CHCHD6: variants seen among roughly 807,000 people sequenced by gnomAD.
CHCHD6 encodes coiled-coil-helix-coiled-coil-helix domain containing 6.
CHCHD6 carries 28 observed loss-of-function variants against 32.3 expected under a neutral mutation model. The ratio of observed to expected loss-of-function variants is 0.87; its 90% CI spans 0.64 to 1.19. The LOEUF (loss-of-function observed/expected upper bound fraction) is 1.19, where lower values mean the gene tolerates loss of function less well. Among genes scored for constraint, CHCHD6 ranks in the 50% most tolerant of loss-of-function variants. The pLI is 0.00. For synonymous variants in CHCHD6, 122 were observed against 117.5 expected (o/e 1.04, Z -0.25); for missense variants, 333 against 307.0 (o/e 1.08, Z -0.63).
chr3:126,751,617 T>TGG (rs1936723543), intron 4 of CHCHD6, among the ~76,000 whole-genome samples: 1 of 151,578 alleles, frequency 6.6e-6, no homozygotes, highest in African/African-American at 2.4e-5. Flanking sequence ...AGAGCAGACC[T>TGG]GGGTTTTTAG....
intron 4 of CHCHD6, among the ~76,000 whole-genome samples, chr3:126,791,707 T>G (rs1175724370): frequency 6.6e-6 from 1 of 152,226 alleles, no homozygotes; most frequent in Non-Finnish European, 1.5e-5. Context: ...CCTCCCAGGT[T>G]CAAGAGATTC....
At chr3:126,804,933 G>A (rs1044524820) in intron 4 of CHCHD6, among the ~76,000 whole-genome samples, 1 of 151,848 alleles carries the variant, frequency 6.6e-6, no homozygotes, top group African/African-American at 2.4e-5. Context: ...CATATAAACA[G>A]AACCAAAGAC....
At chr3:126,920,942 C>A (rs926046296) in intron 6 of CHCHD6, among the ~76,000 whole-genome samples, 2 of 152,182 alleles carry the variant, frequency 1.3e-5, no homozygotes, top group Admixed American at 6.5e-5. Context: ...TGCCTTCCCA[C>A]AGATTTTTTT....
At chr3:126,852,449 A>G (rs994489893) in intron 4 of CHCHD6, among the ~76,000 whole-genome samples, 198 bp from the exon 5 acceptor site, 1 of 152,202 alleles carries the variant, frequency 6.6e-6, no homozygotes, top group African/African-American at 2.4e-5. Flanking sequence ...TGGCTATAGT[A>G]ATTACCCACC....
intron 5 of CHCHD6, among the ~76,000 whole-genome samples, chr3:126,853,731 T>C (rs1000402310): frequency 6.6e-6 from 1 of 152,180 alleles, no homozygotes; most frequent in African/African-American, 2.4e-5. Flanking sequence ...TATTCCATAG[T>C]CTGAGGAATG....
At chr3:126,798,700 C>A (rs1295090013) in intron 4 of CHCHD6, among the ~76,000 whole-genome samples, 1 of 152,186 alleles carries the variant, frequency 6.6e-6, no homozygotes, top group Non-Finnish European at 1.5e-5. Context: ...CTCCTGGACT[C>A]TTCTGGTCGG....
intron 3 of CHCHD6, among the ~76,000 whole-genome samples, chr3:126,732,218 C>CACCCATAG (rs1486628142): frequency 6.6e-6 from 1 of 151,764 alleles, no homozygotes; most frequent in Non-Finnish European, 1.5e-5. Flanking sequence ...GTGAAAAAAT[C>CACCCATAG]ACCCATAGAC....
intron 4 of CHCHD6, among the ~76,000 whole-genome samples, chr3:126,787,115 G>C (rs1938255530): frequency 6.6e-6 from 1 of 152,118 alleles, no homozygotes; most frequent in Non-Finnish European, 1.5e-5. Flanking sequence ...TGTCAGGTTT[G>C]TCAAAGATCA....
chr3:126,898,712 T>C (rs772231755), intron 5 of CHCHD6, among the ~76,000 whole-genome samples: 2 of 152,140 alleles, frequency 1.3e-5, no homozygotes, highest in Admixed American at 6.5e-5. Context: ...CTAATTTTTG[T>C]ATTTTTAGTA....
chr3:126,871,730 A>G (rs1212379762), intron 5 of CHCHD6, among the ~76,000 whole-genome samples: 1 of 147,244 alleles, frequency 6.8e-6, no homozygotes, highest in African/African-American at 2.6e-5. Context: ...CAGTGGCGCA[A>G]TCTTGGCTCA....
At chr3:126,823,801 C>T (rs1258813961) in intron 4 of CHCHD6, among the ~76,000 whole-genome samples, 3 of 152,144 alleles carry the variant, frequency 2.0e-5, no homozygotes, top group East Asian at 1.9e-4. Context: ...AATCCCAGCA[C>T]TTTCAGAGGC....
At chr3:126,748,673 A>G (rs1307270842) in intron 4 of CHCHD6, among the ~76,000 whole-genome samples, 7 of 151,756 alleles carry the variant, frequency 4.6e-5, no homozygotes, top group Admixed American at 3.9e-4. Flanking sequence ...CCTTCTTCAC[A>G]TTTCCTTCAA....
Position 126,815,512 on chromosome 3 carries a change from C to T in CHCHD6, c.412-37135C>T, listed in dbSNP as rs190799204. On this transcript the variant is annotated intron_variant, in intron 4 of 7. Coordinates refer to ENST00000290913, the MANE Select transcript of CHCHD6 (RefSeq NM_032343.3). ...ACCTGGTTATCATCCTTGACTCCTC[C>T]CTCTCTCTCACCTCTGTGCCATTGC... Among the ~76,000 whole-genome samples, 113 of 152,144 alleles carry T rather than the reference C, an allele frequency of 7.4e-4. 1 individual carries two copies. The highest frequency in any genetic ancestry group is 2.7e-3 in the African/African-American group (111 of 41,490).
intron 4 of CHCHD6, among the ~76,000 whole-genome samples, chr3:126,833,179 G>A (rs1189708602): frequency 3.9e-5 from 6 of 152,136 alleles, no homozygotes; most frequent in East Asian, 1.9e-4. Context: ...GTCTCTCAGC[G>A]CTCAAAGCAG....
intron 1 of CHCHD6, among the ~76,000 whole-genome samples, chr3:126,718,360 G>C (rs569116511): frequency 6.6e-6 from 1 of 152,196 alleles, no homozygotes; most frequent in Admixed American, 6.5e-5. Context: ...TGTACCAACT[G>C]CTTTGTGTAG....
chr3:126,828,217 C>G (rs1940487473), intron 4 of CHCHD6, among the ~76,000 whole-genome samples: 2 of 152,222 alleles, frequency 1.3e-5, no homozygotes, highest in Non-Finnish European at 2.9e-5. Flanking sequence ...CTTCTGTAAG[C>G]TAAGGACTCT....
chr3:126,821,469 T>C (rs1031010778), intron 4 of CHCHD6, among the ~76,000 whole-genome samples: 3 of 152,164 alleles, frequency 2.0e-5, no homozygotes, highest in Non-Finnish European at 4.4e-5. Context: ...TAATTTTTTG[T>C]ATTTTTAGTA....
In CHCHD6 at chr3:126,726,868, A is replaced by G. The variant is rs992751440; in HGVS notation, c.88-210A>G. Among the ~76,000 whole-genome samples the G allele has an allele frequency of 9.2e-5, 14 of 152,136 alleles. No individual in the cohort carries two copies. In the South Asian group the frequency reaches 2.1e-3, roughly 23 times the overall value. ...GCCGCAAAGCCAGCAGGGGACATAT[A>G]TTGGTAGGCTTGGGAATCCGGATGG... On this transcript the variant is annotated intron_variant, in intron 1 of 7. Transcript: ENST00000290913.
In CHCHD6 at chr3:126,704,357, A is replaced by G. The variant is rs780344521; in HGVS notation, c.45A>G (p.Gly15=). Residue 15 remains glycine (G), a synonymous_variant, in exon 1 of 8, where the codon GGA becomes GGG. Transcript: ENST00000290913. ...GCGAGGGCCGCAGGGTGTCCTTCGG[A>G]GTGGACGAGGAGGAGCGGGTCCGGG... is the stretch of plus-strand genomic sequence containing the variant. ...ESSEGRRVSF[G]VDEEERVRVL... is the part of the protein sequence containing the mutation. 7 of 1,593,010 alleles carry G rather than the reference A, an allele frequency of 4.4e-6. No individual in the cohort carries two copies. Among genetic ancestry groups the G allele is most frequent in the Admixed American group, 1.7e-5 (1 of 57,194 alleles).
Sources: gnomAD v4.1 joint callset for allele counts (sites outside exome capture counted in the v4.1 genomes callset) on GRCh38, gnomAD v4.1.1 for gene constraint, MANE v1.5 for transcripts, NCBI Gene and HGNC (gene_info 2026-07-23, HGNC 2026-07-21) for gene names.